FANCA: variants seen among roughly 807,000 people sequenced by gnomAD.
FANCA encodes FA complementation group A.
Under a neutral mutation model 194.3 loss-of-function variants are expected in FANCA, and 236 were observed. That is an observed-to-expected ratio of 1.21 (90% CI 1.09 to 1.35). The LOEUF (loss-of-function observed/expected upper bound fraction) is 1.35. FANCA is among the 40% of genes most tolerant of loss of function. The pLI, the probability that FANCA is intolerant of heterozygous loss-of-function variation, is 0.00. For synonymous variants in FANCA, 1,014 were observed against 715.8 expected (o/e 1.42, Z -6.65); for missense variants, 2,628 against 1,813.9 (o/e 1.45, Z -8.15).
chr16:89,803,437 A>G, intron 7 of FANCA, 96 bp from the exon 8 acceptor site: 4 of 1,172,676 alleles, frequency 3.4e-6, no homozygotes, highest in Non-Finnish European at 5.1e-6. Context: ...GCGGGTGAGC[A>G]TATGGCTTGG....
In FANCA at chr16:89,782,878, G is replaced by C. The variant is rs769047348; in HGVS notation, c.1607C>G (p.Ser536Ter). 3 of 1,614,096 alleles carry C rather than the reference G, an allele frequency of 1.9e-6. No homozygotes were observed. In the Admixed American group the frequency reaches 5.0e-5, roughly 27 times the overall value. Residue 536 changes from serine to a stop codon, truncating the protein, a stop_gained, in exon 17 of 43, where the codon TCA becomes TGA. Transcript: ENST00000389301. LOFTEE classifies it high-confidence loss of function. ...ENMGLYEDLS[S>*]AGDITEPHSQ... ...CATTACCTCAGTAATGTCCCCAGCT[G>C]ATGACAAATCCTCGTAGAGTCCCAT...
rs1235913738 is a variant in FANCA, at chr16:89,738,982, G to A, written c.4168-8C>T. ...CAGTTCCACGGGGTTGCCCTAGAGA[G>A]AAAACAGGCAAACTCACAGGTTAGA... is the stretch of plus-strand genomic sequence containing the variant. On this transcript the variant is annotated splice_polypyrimidine_tract_variant and splice_region_variant and intron_variant, in intron 41 of 42. Transcript: ENST00000389301. 6.2e-7 allele frequency: 1 copy of A among 1,614,120 alleles called. No homozygotes were observed. The highest frequency in any genetic ancestry group is 8.5e-7 in the Non-Finnish European group (1 of 1,180,052).
intron 36 of FANCA, among the ~76,000 whole-genome samples, chr16:89,743,194 G>A (rs2062176109): frequency 6.6e-6 from 1 of 152,196 alleles, no homozygotes. Context: ...GCCTGGTCCT[G>A]TCTACCTTGC....
chr16:89,774,622 C>T (rs1274734903), intron 21 of FANCA, among the ~76,000 whole-genome samples: 2 of 146,322 alleles, frequency 1.4e-5, no homozygotes, highest in Admixed American at 7.1e-5. Context: ...CCCAGCCACT[C>T]GGGAGGCTGA....
In FANCA at chr16:89,740,112, G is replaced by A. The variant is rs954269967; in HGVS notation, c.3829-13C>T. 6.2e-7 allele frequency: 1 copy of A among 1,612,326 alleles called. No homozygotes were observed. The highest frequency in any genetic ancestry group is 8.5e-7 in the Non-Finnish European group (1 of 1,178,566). On this transcript the variant is annotated splice_polypyrimidine_tract_variant and intron_variant, in intron 38 of 42. Coordinates refer to ENST00000389301, the MANE Select transcript of FANCA (RefSeq NM_000135.4). ...GGTCTGTGGTGCTCTGTAAACCGCAGGAGACCAACCCTGAGAATGGCCGAC... is the reference window on the plus strand; with the variant it reads ...GGTCTGTGGTGCTCTGTAAACCGCAAGAGACCAACCCTGAGAATGGCCGAC...
chr16:89,754,598 T>C (rs931731966), intron 30 of FANCA, among the ~76,000 whole-genome samples: 3 of 152,116 alleles, frequency 2.0e-5, no homozygotes, highest in Non-Finnish European at 2.9e-5. Flanking sequence ...CTCCAACTCC[T>C]GACCTCATGA....
At chr16:89,784,487 C>T (rs1369116291) in intron 15 of FANCA, among the ~76,000 whole-genome samples, 1 of 151,792 alleles carries the variant, frequency 6.6e-6, no homozygotes, top group Non-Finnish European at 1.5e-5. Flanking sequence ...CTCGCTCTTC[C>T]TGCGTAACTG....
At chr16:89,759,808 C>T (rs1567610677) in intron 29 of FANCA, among the ~76,000 whole-genome samples, 1 of 152,328 alleles carries the variant, frequency 6.6e-6, no homozygotes, top group East Asian at 1.9e-4. Context: ...ATACCGCAAT[C>T]CATTTATGCA....
chr16:89,759,924 C>T (rs1185914213), intron 29 of FANCA, among the ~76,000 whole-genome samples: 2 of 152,010 alleles, frequency 1.3e-5, no homozygotes, highest in Non-Finnish European at 2.9e-5. Flanking sequence ...TCCACCCACG[C>T]TGTGCGGGAC....
At chr16:89,789,192 G>A (rs1259727284) in intron 14 of FANCA, among the ~76,000 whole-genome samples, 2 of 151,872 alleles carry the variant, frequency 1.3e-5, no homozygotes. Flanking sequence ...CAGGTGAGAA[G>A]GAACTTTAAG....
Position 89,765,024 on chromosome 16 carries a change from G to T in FANCA, c.2644C>A (p.Pro882Thr). ...MFRLFSEARQ[P>T]LSEEDVASLS... The stretch of plus-strand genomic sequence containing the variant: ...CTGGCTACGTCCTCCTCAGAAAGAG[G>T]CTGTCGGGCCTCTGAGAACAATCTG... Residue 882 changes from proline (P) to threonine (T), a missense_variant, in exon 28 of 43, where the codon CCT (proline) becomes ACT (threonine). Physicochemically the swap from Pro to Thr is conservative, Grantham distance 38. Coordinates refer to ENST00000389301, the MANE Select transcript of FANCA (RefSeq NM_000135.4). The T allele has an allele frequency of 1.9e-6, 3 of 1,614,232 alleles. No individual in the cohort carries two copies. The highest frequency in any genetic ancestry group is 1.3e-5 in the African/African-American group (1 of 75,064).
intron 17 of FANCA, among the ~76,000 whole-genome samples, chr16:89,781,496 A>C (rs1292836545): frequency 6.7e-6 from 1 of 149,426 alleles, no homozygotes; most frequent in Non-Finnish European, 1.5e-5. Flanking sequence ...ACATGGTGAA[A>C]CCCCATCTCT....
chr16:89,768,581 G>A (rs573096487), intron 26 of FANCA, among the ~76,000 whole-genome samples: 119 of 152,156 alleles, frequency 7.8e-4, no homozygotes, highest in African/African-American at 2.6e-3. Context: ...GCTTGAACCC[G>A]GGAGGCGGAG....
intron 6 of FANCA, among the ~76,000 whole-genome samples, chr16:89,806,262 C>G (rs367810936): frequency 2.0e-5 from 3 of 151,340 alleles, no homozygotes; most frequent in Non-Finnish European, 2.9e-5. Flanking sequence ...TTTGGACTTA[C>G]GAATACACAC....
At chr16:89,760,843 G>C (rs2239357) in intron 29 of FANCA, among the ~76,000 whole-genome samples, 2 of 152,020 alleles carry the variant, frequency 1.3e-5, no homozygotes, top group Non-Finnish European at 2.9e-5. Flanking sequence ...TTATCTCCAG[G>C]GCTCATTCCT....
chr16:89,789,923 GTCTCAAA>G (rs2040012660), intron 14 of FANCA, among the ~76,000 whole-genome samples: 1 of 152,112 alleles, frequency 6.6e-6, no homozygotes, highest in Admixed American at 6.6e-5. Context: ...AGACTCAGTA[GTCTCAAA>G]TGGGCCCTGG....
In FANCA at chr16:89,792,141, C is replaced by A. The variant is rs2040097697; in HGVS notation, c.1084-73G>T. 3 of 1,584,020 alleles carry A rather than the reference C, an allele frequency of 1.9e-6. No homozygotes were observed. The South Asian group carries it at 3.3e-5, about 18-fold the overall frequency. On this transcript the variant is annotated intron_variant, in intron 12 of 42. Transcript: ENST00000389301. ...GCGACAGATGACCCCTCACCTTCCT[C>A]CCAGCCGGTGGCCACCGCAGCCCCC...
chr16:89,799,211 G>A lies in FANCA; in HGVS notation c.848C>T (p.Ala283Val), dbSNP rs770479721. 1.2e-6 allele frequency: 2 copies of A among 1,614,096 alleles called. No individual in the cohort carries two copies. The highest frequency in any genetic ancestry group is 1.7e-6 in the Non-Finnish European group (2 of 1,180,042). ...AGTGGAGGACTCCTCCTGTACTCCA[G>A]CAGCCAAAGCGTCAAGTGCAACTGA... The part of the protein sequence containing the change: ...MLIFALDALA[A>V]GVQEESSTHK... Residue 283 changes from alanine to valine, a missense_variant, in exon 10 of 43, where the codon GCT becomes GTT. Physicochemically the swap from Ala to Val is moderately conservative, Grantham distance 64. Transcript: ENST00000389301.
intron 3 of FANCA, among the ~76,000 whole-genome samples, chr16:89,811,897 A>AT (rs2040896986): frequency 2.0e-5 from 3 of 151,594 alleles, no homozygotes; most frequent in Admixed American, 1.3e-4. Context: ...CGCCCAGTTA[A>AT]TTTTTTGTAT....
Sources: allele counts gnomAD v4.1 joint callset (sites outside exome capture counted in the v4.1 genomes callset), GRCh38; gene constraint gnomAD v4.1.1; transcripts MANE v1.5; gene names NCBI Gene and HGNC (gene_info 2026-07-23, HGNC 2026-07-21).